The following LTBP1 variants were observed in gnomAD, a reference collection of about 807,000 sequenced individuals.
LTBP1 encodes latent transforming growth factor beta binding protein 1.
LTBP1 carries 129 observed loss-of-function variants against 207.6 expected under a neutral mutation model. That is an observed-to-expected ratio of 0.62 (90% CI 0.54 to 0.72). The LOEUF (loss-of-function observed/expected upper bound fraction) is 0.72. Among genes scored for constraint, LTBP1 ranks in the 30% least tolerant of loss-of-function variants. The pLI is 0.00. For missense variants in LTBP1, 2,281 were observed against 2,217.2 expected (o/e 1.03, Z -0.58); for synonymous variants, 963 against 833.7 (o/e 1.16, Z -2.67).
intron 4 of LTBP1, among the ~76,000 whole-genome samples, chr2:33,120,861 A>G (rs1572723597): frequency 6.6e-6 from 1 of 152,184 alleles, no homozygotes; most frequent in East Asian, 1.9e-4. Flanking sequence ...ATTAAACATC[A>G]TCTTTATTAA....
chr2:33,005,369 G>A (rs1686692505), intron 2 of LTBP1, among the ~76,000 whole-genome samples: 1 of 152,128 alleles, frequency 6.6e-6, no homozygotes, highest in South Asian at 2.1e-4. Context: ...GAGCTTAGCT[G>A]GGGTTGTTGG....
intron 3 of LTBP1, among the ~76,000 whole-genome samples, chr2:33,082,845 G>T (rs2078524859): frequency 6.6e-6 from 1 of 152,058 alleles, no homozygotes; most frequent in Non-Finnish European, 1.5e-5. Flanking sequence ...CCTGGTCCTG[G>T]GATCTTGCCT....
intron 2 of LTBP1, among the ~76,000 whole-genome samples, chr2:33,013,156 AC>A (rs1366026990): frequency 6.6e-6 from 1 of 152,212 alleles, no homozygotes; most frequent in Non-Finnish European, 1.5e-5. Context: ...AAATGAGGCT[AC>A]TGAAATATTT....
intron 24 of LTBP1, among the ~76,000 whole-genome samples, chr2:33,328,045 G>A (rs558480007): frequency 5.3e-5 from 8 of 151,936 alleles, no homozygotes; most frequent in East Asian, 3.9e-4. Context: ...TGAGGCAGGA[G>A]AATTGCTTGA....
At position 33,296,927 on chromosome 2, in the gene LTBP1, A is replaced by T. The variant is rs564101382; in HGVS notation, c.3236-3524A>T. 2.6e-5 allele frequency among the ~76,000 whole-genome samples: 4 copies of T among 152,254 alleles called. No homozygotes were observed. The South Asian group carries it at 8.3e-4, about 32-fold the overall frequency. ...TAATACAGGGACAGAGATCATGTAG[A>T]GAGAATGAGTTAAAGCAGGGGCAGA... On this transcript the variant is annotated intron_variant, in intron 20 of 33. Transcript: ENST00000404816.
Position 33,217,540 on chromosome 2 carries a change from T to A in LTBP1, c.1702-12T>A. ...TCAATTAACCTTCATATTTCACACC[T>A]AATCATTGCAGTGTGGCAAAGCGCT... On this transcript the variant is annotated splice_polypyrimidine_tract_variant and intron_variant, in intron 7 of 33. Coordinates refer to ENST00000404816, the MANE Select transcript of LTBP1 (RefSeq NM_206943.4). The A allele has an allele frequency of 6.3e-7, 1 of 1,596,808 alleles. No individual in the cohort carries two copies. The highest frequency in any genetic ancestry group is 8.6e-7 in the Non-Finnish European group (1 of 1,164,458).
At chr2:33,234,075 A>C (rs1198084173) in intron 9 of LTBP1, among the ~76,000 whole-genome samples, 1 of 152,082 alleles carries the variant, frequency 6.6e-6, no homozygotes, top group Non-Finnish European at 1.5e-5. Flanking sequence ...TGTTTTCTTT[A>C]GTGTCTGGCT....
At chr2:33,005,731 C>T (rs1041198289) in intron 2 of LTBP1, among the ~76,000 whole-genome samples, 7 of 151,782 alleles carry the variant, frequency 4.6e-5, no homozygotes, top group African/African-American at 1.5e-4. Context: ...GGCTTACAGG[C>T]GCCCGCCAAC....
At chr2:32,951,116 G>C (rs565231430) in intron 2 of LTBP1, among the ~76,000 whole-genome samples, 2 of 152,266 alleles carry the variant, frequency 1.3e-5, no homozygotes, top group East Asian at 3.9e-4. Context: ...TTAATCTTAC[G>C]GTACCTACAA....
At chr2:33,041,715 A>G (rs893735746) in intron 3 of LTBP1, among the ~76,000 whole-genome samples, 4 of 152,352 alleles carry the variant, frequency 2.6e-5, no homozygotes, top group South Asian at 2.1e-4. Flanking sequence ...TTAGGGCATA[A>G]ACAGATAAAT....
chr2:32,961,878 G>T (rs1679171304), intron 2 of LTBP1, among the ~76,000 whole-genome samples: 1 of 151,124 alleles, frequency 6.6e-6, no homozygotes, highest in Non-Finnish European at 1.5e-5. Context: ...CCAGGAGGTG[G>T]AGGTTGCAGT....
At chr2:33,100,698 C>T (rs1268403211) in intron 3 of LTBP1, among the ~76,000 whole-genome samples, 1 of 152,168 alleles carries the variant, frequency 6.6e-6, no homozygotes, top group Non-Finnish European at 1.5e-5. Context: ...AATTCTCTCT[C>T]TCTCTCCCCC....
chr2:33,340,287 C>T (rs2094603182), intron 24 of LTBP1, among the ~76,000 whole-genome samples: 11 of 148,800 alleles, frequency 7.4e-5, no homozygotes, highest in Admixed American at 6.0e-4. Flanking sequence ...AAAAGTGCTC[C>T]GTAGAAGAAT....
At position 33,300,566 on chromosome 2, in the gene LTBP1, G is replaced by C; in HGVS notation, c.3351G>C (p.Gln1117His). 1 of 1,613,088 alleles carries C rather than the reference G, an allele frequency of 6.2e-7. No individual in the cohort carries two copies. Among genetic ancestry groups the C allele is most frequent in the Non-Finnish European group, 8.5e-7 (1 of 1,179,356 alleles). ...QGYQLSAAKDQCEDIDECQHR... is the reference protein window; with the variant it reads ...QGYQLSAAKDHCEDIDECQHR... The stretch of plus-strand genomic sequence containing the variant: ...ACCAGCTGTCGGCAGCTAAAGACCA[G>C]TGTGAAGGTAAGAGGGTAGTAACAT... Residue 1117 changes from glutamine to histidine, a missense_variant, in exon 21 of 34, where the codon CAG (glutamine) becomes CAC (histidine). Transcript: ENST00000404816.
At position 33,262,825 on chromosome 2, in the gene LTBP1, G is replaced by A; in HGVS notation, c.2518+4G>A. 3 of 1,599,244 alleles carry A rather than the reference G, an allele frequency of 1.9e-6. No individual in the cohort carries two copies. Among genetic ancestry groups the A allele is most frequent in the Non-Finnish European group, 2.6e-6 (3 of 1,169,536 alleles). On this transcript the variant is annotated splice_donor_region_variant and intron_variant, in intron 14 of 33. Coordinates refer to ENST00000404816, the MANE Select transcript of LTBP1 (RefSeq NM_206943.4). ...CATCTGCATCCACAGTTTCCAGGTA[G>A]CCTGTGTTGATCTGTGCTGTTTGTC...
intron 10 of LTBP1, among the ~76,000 whole-genome samples, chr2:33,246,812 C>CT (rs1327475400): frequency 1.3e-5 from 2 of 152,214 alleles, no homozygotes; most frequent in Non-Finnish European, 2.9e-5. Flanking sequence ...CTTGCCTTGG[C>CT]TTAGCCAAGC....
At chr2:33,009,457 T>C (rs1360669446) in intron 2 of LTBP1, among the ~76,000 whole-genome samples, 1 of 152,166 alleles carries the variant, frequency 6.6e-6, no homozygotes, top group African/African-American at 2.4e-5. Context: ...TGTGACGTAA[T>C]CCAGTGGACT....
chr2:33,375,612 C>G (rs1176843273), intron 31 of LTBP1, among the ~76,000 whole-genome samples: 2 of 152,118 alleles, frequency 1.3e-5, no homozygotes, highest in Non-Finnish European at 2.9e-5. Flanking sequence ...ACTGCAAGCT[C>G]TGCCTCCCAG....
intron 2 of LTBP1, among the ~76,000 whole-genome samples, chr2:32,995,373 C>T (rs1685095705): frequency 6.6e-6 from 1 of 152,124 alleles, no homozygotes; most frequent in South Asian, 2.1e-4. Context: ...GCATTTCTCA[C>T]ACGTGTCCAG....
Sources: allele counts gnomAD v4.1 joint callset (sites outside exome capture counted in the v4.1 genomes callset), GRCh38; gene constraint gnomAD v4.1.1; transcripts MANE v1.5; gene names NCBI Gene and HGNC (gene_info 2026-07-23, HGNC 2026-07-21).